Variants in HIVEP3 observed in about 807,000 individuals in gnomAD.
HIVEP3 encodes the protein transcription factor HIVEP3.
In HIVEP3, 49 loss-of-function variants were observed where a neutral mutation model predicts 152.8. That is an observed-to-expected ratio of 0.32 (90% CI 0.26 to 0.41). The LOEUF (loss-of-function observed/expected upper bound fraction) is 0.41. HIVEP3 is among the 10% of genes least tolerant of loss of function. HIVEP3 has a pLI of 1.00. For missense variants in HIVEP3, 2,790 were observed against 3,103.3 expected, an observed-to-expected ratio of 0.90 and a Z score of 2.40; for synonymous variants, 1,269 against 1,289.0, an observed-to-expected ratio of 0.98 and a Z score of 0.33.
chr1:42,018,977 C>T (rs1645538808), intron 1 of HIVEP3, among the ~76,000 whole-genome samples: 1 of 152,012 alleles, frequency 6.6e-6, no homozygotes, highest in Non-Finnish European at 1.5e-5. Flanking sequence ...ATGTGTGCTA[C>T]ACATGTTAAT....
chr1:41,711,025 T>C (rs1646505799), intron 1 of HIVEP3, among the ~76,000 whole-genome samples: 2 of 152,236 alleles, frequency 1.3e-5, no homozygotes, highest in African/African-American at 2.4e-5. Context: ...GCCTCGAAGA[T>C]GTCCCTGAGT....
rs1247742633 is a variant in HIVEP3 at position 41,580,457 on chromosome 1, T to C, written c.4341A>G (p.Gln1447=). 1.2e-6 allele frequency: 2 copies of C among 1,614,204 alleles called. No individual in the cohort carries two copies. Among genetic ancestry groups the C allele is most frequent in the African/African-American group, 1.3e-5 (1 of 75,054 alleles). ...AAGCCTCCTCCTCCTTCACTCTTTT[T>C]TGCTGCTGGGTTTCCATGGTAAGTT... ...SLELTMETQQ[Q]KRVKEEEASK... is the part of the protein sequence containing the mutation. Residue 1447 remains glutamine (Q), a synonymous_variant, in exon 4 of 9, where the codon CAA becomes CAG. Transcript: ENST00000372583.
At position 41,524,769 on chromosome 1, in the gene HIVEP3, C is replaced by T. The variant is rs1309301988; in HGVS notation, c.5349G>A (p.Val1783=). ...TAAAAGCAAAGTGACAGTGCTTGCA[C>T]ACATAGGGCCGGACGTCAGTGTGGG... The part of the protein sequence containing the change: ...IRTHTDVRPY[V]CKHCHFAFKT... Residue 1783 remains valine, a synonymous_variant, in exon 6 of 9, where the codon GTG becomes GTA. Transcript: ENST00000372583. 2 of 1,614,152 alleles carry T rather than the reference C, an allele frequency of 1.2e-6. No homozygotes were observed. The highest frequency in any genetic ancestry group is 1.7e-6 in the Non-Finnish European group (2 of 1,180,030).
intron 7 of HIVEP3, 113 bp from the exon 8 acceptor site, chr1:41,513,863 C>A (rs1040911548): frequency 1.2e-6 from 1 of 817,256 alleles, no homozygotes; most frequent in Non-Finnish European, 1.8e-6. Flanking sequence ...GCAAAATAGC[C>A]ATCGCAAGGG....
intron 3 of HIVEP3, among the ~76,000 whole-genome samples, chr1:41,594,771 A>C (rs904446405): frequency 2.6e-5 from 4 of 151,962 alleles, no homozygotes; most frequent in African/African-American, 7.3e-5. Flanking sequence ...TATGACTTTT[A>C]GGTTTCACAT....
rs1031733151 is a variant in HIVEP3 at position 41,725,329 on chromosome 1, G to A, written c.-800-24334C>T. Among the ~76,000 whole-genome samples, 3 of 152,218 alleles carry A rather than the reference G, an allele frequency of 2.0e-5. No homozygotes were observed. The East Asian group carries it at 5.8e-4, about 29-fold the overall frequency. The stretch of plus-strand genomic sequence containing the variant: ...GCCACAAGCCTCTCCCAGTCACAGG[G>A]ACAAGGGAATGATGGTTCCTTACAA... On this transcript the variant is annotated intron_variant, in intron 1 of 8. Transcript: ENST00000372583.
chr1:41,849,980 C>T (rs926466240), intron 1 of HIVEP3, among the ~76,000 whole-genome samples: 3 of 152,138 alleles, frequency 2.0e-5, no homozygotes, highest in Non-Finnish European at 2.9e-5. Flanking sequence ...TGAGACACCA[C>T]GCCTGGCCGG....
At chr1:41,619,826 G>C (rs1645021230) in intron 3 of HIVEP3, among the ~76,000 whole-genome samples, 1 of 152,192 alleles carries the variant, frequency 6.6e-6, no homozygotes, top group Admixed American at 6.5e-5. Context: ...AGCCCCGGTA[G>C]AGCAGCTCCA....
intron 1 of HIVEP3, among the ~76,000 whole-genome samples, chr1:41,790,701 C>G (rs112930252): frequency 9.9e-5 from 15 of 152,240 alleles, no homozygotes; most frequent in African/African-American, 3.1e-4. Context: ...TCTGTGAGTT[C>G]ACCCATCACT....
intron 2 of HIVEP3, among the ~76,000 whole-genome samples, chr1:41,679,549 G>T (rs181622816): frequency 6.6e-6 from 1 of 152,330 alleles, no homozygotes; most frequent in Admixed American, 6.5e-5. Context: ...GAGGGGACTG[G>T]TGGCAGGGAT....
At chr1:41,804,865 T>A (rs914749954) in intron 1 of HIVEP3, among the ~76,000 whole-genome samples, 4 of 152,204 alleles carry the variant, frequency 2.6e-5, no homozygotes, top group Non-Finnish European at 5.9e-5. Context: ...CCACTGTGTA[T>A]ACACACATTT....
chr1:41,572,547 G>A (rs984841737), intron 5 of HIVEP3, among the ~76,000 whole-genome samples: 2 of 152,204 alleles, frequency 1.3e-5, no homozygotes, highest in Non-Finnish European at 2.9e-5. Flanking sequence ...AGTGGGTCTT[G>A]TGTTGCCACC....
At chr1:41,572,375 G>C (rs1157705422) in intron 5 of HIVEP3, among the ~76,000 whole-genome samples, 1 of 152,200 alleles carries the variant, frequency 6.6e-6, no homozygotes, top group Non-Finnish European at 1.5e-5. Context: ...CCTGTAGCAG[G>C]TAGACTGCTG....
chr1:41,954,306 A>C (rs1220323772), intron 1 of HIVEP3, among the ~76,000 whole-genome samples: 1 of 152,250 alleles, frequency 6.6e-6, no homozygotes, highest in Non-Finnish European at 1.5e-5. Flanking sequence ...TAAACCCCCA[A>C]GAACTCATTA....
At chr1:41,761,944 G>A (rs1570479914) in intron 1 of HIVEP3, among the ~76,000 whole-genome samples, 1 of 152,222 alleles carries the variant, frequency 6.6e-6, no homozygotes, top group East Asian at 1.9e-4. Context: ...CAAGTCCCAG[G>A]TAAATCCATG....
intron 1 of HIVEP3, among the ~76,000 whole-genome samples, chr1:41,859,522 G>T (rs1643860946): frequency 6.6e-6 from 1 of 152,176 alleles, no homozygotes; most frequent in African/African-American, 2.4e-5. Flanking sequence ...AGGGATGTGG[G>T]CTCTGGAGAC....
At chr1:41,847,480 GATC>G (rs1251987255) in intron 1 of HIVEP3, 2 of 152,158 alleles carry the variant, frequency 1.3e-5, no homozygotes, top group African/African-American at 4.8e-5. Flanking sequence ...ATGACTAAAT[GATC>G]ATCTTGTCTT....
chr1:41,548,641 T>C (rs1407512653), intron 5 of HIVEP3, among the ~76,000 whole-genome samples: 1 of 152,106 alleles, frequency 6.6e-6, no homozygotes, highest in African/African-American at 2.4e-5. Flanking sequence ...GTTCAAGTGA[T>C]TCTCCTGCCT....
chr1:41,595,072 G>C (rs907895785), intron 3 of HIVEP3, among the ~76,000 whole-genome samples: 1 of 152,230 alleles, frequency 6.6e-6, no homozygotes, highest in Non-Finnish European at 1.5e-5. Flanking sequence ...AATAGAATTT[G>C]TGGGAAAGGG....
Sources: allele counts gnomAD v4.1 joint callset (sites outside exome capture counted in the v4.1 genomes callset), GRCh38; gene constraint gnomAD v4.1.1; transcripts MANE v1.5; gene names NCBI Gene and HGNC (gene_info 2026-07-23, HGNC 2026-07-21).